The following PPARGC1A variants were observed in gnomAD, a reference collection of about 807,000 sequenced individuals.
PPARGC1A encodes the protein PPARG coactivator 1 alpha, also known as peroxisome proliferator-activated receptor gamma coactivator 1-alpha.
In PPARGC1A, 25 loss-of-function variants were observed where a neutral mutation model predicts 88.7. The observed-to-expected ratio is 0.28, with a 90% CI of 0.21 to 0.39. The LOEUF is 0.39. Ranked by LOEUF, PPARGC1A falls within the 10% of genes least tolerant of loss-of-function variation. The pLI is 1.00. For synonymous variants in PPARGC1A, 363 were observed against 355.6 expected (o/e 1.02, Z -0.24); for missense variants, 880 against 968.7 (o/e 0.91, Z 1.22).
the PPARGC1A span, among the ~76,000 whole-genome samples, chr4:24,365,513 T>C: frequency 6.6e-6 from 1 of 152,180 alleles, no homozygotes; most frequent in African/African-American, 2.4e-5. Context: ...ATTTATTTTA[T>C]TTCACTTCAT....
At chr4:24,325,085 T>A in the PPARGC1A span, among the ~76,000 whole-genome samples, 31 of 152,322 alleles carry the variant, frequency 2.0e-4, no homozygotes, top group Middle Eastern at 3.4e-3. Context: ...GGGTTAATGC[T>A]CCTTTTCCTT....
At chr4:24,015,121 T>C in the PPARGC1A span, among the ~76,000 whole-genome samples, 1 of 152,078 alleles carries the variant, frequency 6.6e-6, no homozygotes, top group Non-Finnish European at 1.5e-5. Context: ...CCATATGAAA[T>C]TGCCAATATT....
At chr4:23,919,547 TAA>T in the PPARGC1A span, among the ~76,000 whole-genome samples, 2 of 75,286 alleles carry the variant, frequency 2.7e-5, no homozygotes, top group Admixed American at 9.7e-5. Context: ...GAGTAGTTCT[TAA>T]AAAAAAAAAA....
the PPARGC1A span, among the ~76,000 whole-genome samples, chr4:24,127,700 G>A: frequency 0.016 from 2,365 of 152,090 alleles, 65 homozygotes; most frequent in African/African-American, 0.053. Flanking sequence ...ACTTGGGCCC[G>A]GAGGACAGTT....
the PPARGC1A span, among the ~76,000 whole-genome samples, chr4:23,947,352 G>GATTGATATAT: frequency 9.2e-5 from 7 of 75,808 alleles, no homozygotes; most frequent in Admixed American, 3.6e-4. Context: ...GTTATATAGT[G>GATTGATATAT]ATATATATAT....
At chr4:24,060,520 T>G in the PPARGC1A span, among the ~76,000 whole-genome samples, 4 of 152,308 alleles carry the variant, frequency 2.6e-5, no homozygotes, top group African/African-American at 9.6e-5. Context: ...TAAAAGTACT[T>G]TTGTAGAACA....
the PPARGC1A span, among the ~76,000 whole-genome samples, chr4:24,373,530 T>C: frequency 7.9e-5 from 12 of 152,254 alleles, no homozygotes; most frequent in Non-Finnish European, 1.5e-4. Flanking sequence ...CTTCCCTGTA[T>C]ATTTCTGCAG....
chr4:24,070,380 C>T, the PPARGC1A span, among the ~76,000 whole-genome samples: 1 of 152,172 alleles, frequency 6.6e-6, no homozygotes, highest in Non-Finnish European at 1.5e-5. Flanking sequence ...TGATGGCAAA[C>T]ATATCTGGCT....
chr4:24,203,314 G>A, the PPARGC1A span, among the ~76,000 whole-genome samples: 1 of 152,132 alleles, frequency 6.6e-6, no homozygotes, highest in African/African-American at 2.4e-5. Context: ...CAAGGCAGGT[G>A]GATCACTTGA....
At chr4:24,067,266 G>A in the PPARGC1A span, among the ~76,000 whole-genome samples, 2 of 141,428 alleles carry the variant, frequency 1.4e-5, no homozygotes, top group Non-Finnish European at 3.1e-5. Flanking sequence ...AATTTGCTAA[G>A]AGAAACAGAA....
the PPARGC1A span, among the ~76,000 whole-genome samples, chr4:24,097,406 G>T: frequency 6.6e-6 from 1 of 152,082 alleles, no homozygotes; most frequent in East Asian, 1.9e-4. Flanking sequence ...AGCTATGATA[G>T]AATTTTTATG....
At chr4:23,829,251 T>C (rs2109668431) in intron 4 of PPARGC1A, among the ~76,000 whole-genome samples, 1 of 152,294 alleles carries the variant, frequency 6.6e-6, no homozygotes, top group South Asian at 2.1e-4. Flanking sequence ...GCACTTCCAT[T>C]CCAAACACCC....
chr4:24,252,773 C>G, the PPARGC1A span, among the ~76,000 whole-genome samples: 1 of 152,294 alleles, frequency 6.6e-6, no homozygotes, highest in Admixed American at 6.5e-5. Flanking sequence ...ATAATACAAC[C>G]TTCTGTCAAA....
At chr4:24,133,920 G>A in the PPARGC1A span, among the ~76,000 whole-genome samples, 1 of 152,134 alleles carries the variant, frequency 6.6e-6, no homozygotes, top group African/African-American at 2.4e-5. Flanking sequence ...TACAATCATA[G>A]CAAAAGAACA....
intron 1 of PPARGC1A, chr4:23,888,938 A>T: frequency 1.0e-6 from 1 of 985,194 alleles, no homozygotes; most frequent in South Asian, 4.7e-5. Flanking sequence ...AGTCCATCTC[A>T]CCAGAGTCCA....
chr4:24,461,977 T>C, the PPARGC1A span, among the ~76,000 whole-genome samples: 1 of 152,212 alleles, frequency 6.6e-6, no homozygotes, highest in East Asian at 1.9e-4. Flanking sequence ...TTTTCTATCT[T>C]CTTTGCATCC....
chr4:24,190,435 A>C, the PPARGC1A span, among the ~76,000 whole-genome samples: 12 of 152,138 alleles, frequency 7.9e-5, no homozygotes, highest in African/African-American at 2.9e-4. Context: ...GAATGGTATG[A>C]ACCCAGGAGG....
At chr4:24,182,715 T>A in the PPARGC1A span, among the ~76,000 whole-genome samples, 1 of 152,216 alleles carries the variant, frequency 6.6e-6, no homozygotes, top group Non-Finnish European at 1.5e-5. Flanking sequence ...TGATATCTCA[T>A]TGTGGTTTCA....
At chr4:24,447,793 C>T in the PPARGC1A span, among the ~76,000 whole-genome samples, 2 of 152,144 alleles carry the variant, frequency 1.3e-5, no homozygotes, top group African/African-American at 4.8e-5. Flanking sequence ...GAGAAAACAT[C>T]GGCATGAAAC....
Sources: allele counts gnomAD v4.1 joint callset (sites outside exome capture counted in the v4.1 genomes callset), GRCh38; gene constraint gnomAD v4.1.1; transcripts MANE v1.5; gene names NCBI Gene and HGNC (gene_info 2026-07-23, HGNC 2026-07-21).